Variants in TTC39B observed in about 807,000 individuals in gnomAD.
TTC39B encodes the protein tetratricopeptide repeat protein 39B.
TTC39B carries 92 observed loss-of-function variants against 96.6 expected under a neutral mutation model. The ratio of observed to expected loss-of-function variants is 0.95; its 90% confidence interval spans 0.80 to 1.13. The LOEUF (loss-of-function observed/expected upper bound fraction) is 1.13. TTC39B is among the 50% of genes most tolerant of loss of function. The pLI, the probability that TTC39B is intolerant of heterozygous loss-of-function variation, is 0.00. For synonymous variants in TTC39B, 367 were observed against 299.4 expected (o/e 1.23, Z -2.33); for missense variants, 955 against 809.3 (o/e 1.18, Z -2.18).
rs943424670 is a variant in TTC39B at position 15,188,591 on chromosome 9, T to C, written c.1234-459A>G. On this transcript the variant is annotated intron_variant, in intron 13 of 19. Coordinates refer to ENST00000512701, the Ensembl canonical transcript of TTC39B. The stretch of plus-strand genomic sequence containing the variant: ...AACAGGAAACAGGCAAAGATGTAAA[T>C]AGGCAAATCAGAAAAAAATATATAG... Among the ~76,000 whole-genome samples, 6 of 152,124 alleles carry C rather than the reference T, an allele frequency of 3.9e-5. No homozygotes were observed. In the East Asian group the frequency reaches 1.2e-3, roughly 29 times the overall value.
chr9:15,249,831 G>A (rs1822452030), intron 2 of TTC39B: 1 of 1,035,872 alleles, frequency 9.7e-7, no homozygotes, highest in Admixed American at 4.9e-5. Flanking sequence ...AATTTACATA[G>A]CCTTCCTTAA....
intron 3 of TTC39B, among the ~76,000 whole-genome samples, chr9:15,219,605 ATCCTTATC>A (rs771491738): frequency 2.6e-5 from 4 of 152,162 alleles, no homozygotes; most frequent in Non-Finnish European, 5.9e-5. Flanking sequence ...GGAAAGGAAC[ATCCTTATC>A]TCCGACACCT....
chr9:15,227,230 C>A (rs1328758464), intron 2 of TTC39B, among the ~76,000 whole-genome samples: 1 of 151,958 alleles, frequency 6.6e-6, no homozygotes, highest in Middle Eastern at 3.2e-3. Context: ...ATCGCTTGAA[C>A]CCAGGAGGCG....
chr9:15,228,937 T>C (rs1821277172), intron 2 of TTC39B, among the ~76,000 whole-genome samples: 1 of 152,240 alleles, frequency 6.6e-6, no homozygotes, highest in Admixed American at 6.5e-5. Flanking sequence ...TCAAGTTCTT[T>C]ATGTTTGTAT....
At chr9:15,178,187 G>C (rs1047937467) in intron 17 of TTC39B, among the ~76,000 whole-genome samples, 13 of 152,154 alleles carry the variant, frequency 8.5e-5, no homozygotes, top group Non-Finnish European at 1.6e-4. Context: ...TTAATTAAGA[G>C]AAAGAACAAA....
exon 20 of TTC39B, chr9:15,167,177 C>G (rs1440123495): frequency 7.2e-6 from 1 of 138,682 alleles, no homozygotes; most frequent in Non-Finnish European, 1.6e-5. Context: ...GCTAGGACTA[C>G]AAGTGCACTC....
chr9:15,286,499 G>A (rs1322185269), intron 1 of TTC39B, among the ~76,000 whole-genome samples: 1 of 152,178 alleles, frequency 6.6e-6, no homozygotes, highest in Non-Finnish European at 1.5e-5. Flanking sequence ...CCTTCCACCT[G>A]TGATGTTAAT....
intron 1 of TTC39B, among the ~76,000 whole-genome samples, chr9:15,280,541 A>G (rs904850427): frequency 7.9e-5 from 12 of 152,368 alleles, no homozygotes; most frequent in African/African-American, 2.4e-4. Context: ...AAATAACACT[A>G]AGAACAAAGA....
chr9:15,209,859 C>A lies in TTC39B; in HGVS notation c.691+229G>T, dbSNP rs565953853. ...TGCTTGCAAAAAAAAAATGAACAAT[C>A]CATGAGCAACAACAAAAACCTTATG... On this transcript the variant is annotated intron_variant, in intron 6 of 19. Transcript: ENST00000512701. 7.7e-4 allele frequency among the ~76,000 whole-genome samples: 117 copies of A among 152,172 alleles called. 1 individual carries two copies. The highest frequency in any genetic ancestry group is 2.8e-3 in the African/African-American group (117 of 41,526).
chr9:15,191,366 C>G, intron 9 of TTC39B, 111 bp from the exon 10 acceptor site: 1 of 669,662 alleles, frequency 1.5e-6, no homozygotes, highest in Non-Finnish European at 2.5e-6. Flanking sequence ...AAATTGGGAA[C>G]AAGTTTTAAC....
intron 7 of TTC39B, among the ~76,000 whole-genome samples, chr9:15,203,588 A>T (rs1341758212): frequency 2.0e-5 from 3 of 152,134 alleles, no homozygotes; most frequent in African/African-American, 4.8e-5. Flanking sequence ...CACAGTCTTT[A>T]AAGGGCAATG....
intron 1 of TTC39B, 73 bp from the exon 2 acceptor site, chr9:15,268,021 A>G (rs1823201299): frequency 2.1e-6 from 3 of 1,415,042 alleles, no homozygotes; most frequent in Admixed American, 3.5e-5. Flanking sequence ...TAAAAGAGAA[A>G]ATGAATACAC....
At chr9:15,289,908 G>A (rs1216817629) in intron 1 of TTC39B, among the ~76,000 whole-genome samples, 1 of 152,074 alleles carries the variant, frequency 6.6e-6, no homozygotes, top group Non-Finnish European at 1.5e-5. Context: ...CATGTGGGCA[G>A]GAGTAATTCA....
At chr9:15,270,894 G>T (rs78993143) in intron 1 of TTC39B, among the ~76,000 whole-genome samples, 1 of 152,056 alleles carries the variant, frequency 6.6e-6, no homozygotes, top group Non-Finnish European at 1.5e-5. Flanking sequence ...TTTAAAAAAG[G>T]AAAGGTGAAG....
Position 15,191,170 on chromosome 9 carries a change from A to T in TTC39B, c.996+20T>A. The T allele has an allele frequency of 6.5e-7, 1 of 1,535,820 alleles. No homozygotes were observed. The highest frequency in any genetic ancestry group is 9.0e-7 in the Non-Finnish European group (1 of 1,111,606). ...TGTCTTATCTTCCCTGTCAAAATTA[A>T]CATAAAATTAAATTTGTACCCTATT... On this transcript the variant is annotated intron_variant, in intron 10 of 19. Transcript: ENST00000512701.
At chr9:15,303,512 C>A (rs1031687769) in intron 1 of TTC39B, among the ~76,000 whole-genome samples, 1 of 151,936 alleles carries the variant, frequency 6.6e-6, no homozygotes, top group Non-Finnish European at 1.5e-5. Context: ...CTTAGGACTA[C>A]AGGCGGGCAC....
chr9:15,218,137 T>C (rs2131375168), intron 3 of TTC39B, among the ~76,000 whole-genome samples: 1 of 134,094 alleles, frequency 7.5e-6, no homozygotes, highest in Non-Finnish European at 1.5e-5. Flanking sequence ...GCCACTGCAT[T>C]CCAGTCTGGC....
intron 1 of TTC39B, among the ~76,000 whole-genome samples, chr9:15,295,153 A>C (rs1824328114): frequency 1.3e-5 from 2 of 152,342 alleles, no homozygotes; most frequent in Middle Eastern, 3.4e-3. Flanking sequence ...CCAGAAGGTC[A>C]GAAGTTTGCT....
At chr9:15,251,897 G>A (rs1272639602) in intron 2 of TTC39B, among the ~76,000 whole-genome samples, 1 of 151,746 alleles carries the variant, frequency 6.6e-6, no homozygotes, top group Non-Finnish European at 1.5e-5. Context: ...TGCAATGACA[G>A]TCCATTTGTA....
Sources: allele counts gnomAD v4.1 joint callset (sites outside exome capture counted in the v4.1 genomes callset), GRCh38; gene constraint gnomAD v4.1.1; transcripts MANE v1.5; gene names NCBI Gene and HGNC (gene_info 2026-07-23, HGNC 2026-07-21).